Variants in ANKRD44 observed in about 807,000 individuals in gnomAD.
The protein encoded by ANKRD44 is serine/threonine-protein phosphatase 6 regulatory ankyrin repeat subunit B.
In ANKRD44, 35 loss-of-function variants were observed where a neutral mutation model predicts 116.0. The ratio of observed to expected loss-of-function variants is 0.30; its 90% CI spans 0.23 to 0.40. The LOEUF (loss-of-function observed/expected upper bound fraction) is 0.40, where lower values mean the gene tolerates loss of function less well. ANKRD44 is among the 10% of genes least tolerant of loss of function. ANKRD44 has a pLI of 1.00. For missense variants in ANKRD44, 1,014 were observed against 1,242.6 expected, an observed-to-expected ratio of 0.82 and a Z score of 2.77; for synonymous variants, 435 against 461.8, an observed-to-expected ratio of 0.94 and a Z score of 0.74.
chr2:197,178,185 C>A (rs898920118), intron 2 of ANKRD44, among the ~76,000 whole-genome samples: 1 of 152,160 alleles, frequency 6.6e-6, no homozygotes, highest in Non-Finnish European at 1.5e-5. Flanking sequence ...AATGACACCA[C>A]GCTGAGCACA....
At chr2:197,294,728 A>G (rs1332238146) in intron 1 of ANKRD44, among the ~76,000 whole-genome samples, 1 of 152,212 alleles carries the variant, frequency 6.6e-6, no homozygotes, top group Non-Finnish European at 1.5e-5. Flanking sequence ...TATAATTTCC[A>G]TTTGTAATAC....
chr2:197,231,199 G>A (rs763379642), intron 1 of ANKRD44, among the ~76,000 whole-genome samples: 3 of 152,140 alleles, frequency 2.0e-5, no homozygotes, highest in Non-Finnish European at 4.4e-5. Context: ...GAAGCAGGAG[G>A]ATCGCTTAAG....
At chr2:197,049,262 T>C (rs1319384527) in intron 16 of ANKRD44, among the ~76,000 whole-genome samples, 1 of 152,242 alleles carries the variant, frequency 6.6e-6, no homozygotes, top group Admixed American at 6.5e-5. Flanking sequence ...TTCATGCCTA[T>C]GTCCTGAATG....
intron 1 of ANKRD44, among the ~76,000 whole-genome samples, chr2:197,277,976 G>A (rs1385779300): frequency 6.6e-6 from 1 of 152,170 alleles, no homozygotes; most frequent in Non-Finnish European, 1.5e-5. Flanking sequence ...AGGAGGCTCA[G>A]AATTAGGAGC....
intron 1 of ANKRD44, among the ~76,000 whole-genome samples, chr2:197,249,280 G>T (rs1001955706): frequency 6.6e-6 from 1 of 152,000 alleles, no homozygotes; most frequent in African/African-American, 2.4e-5. Flanking sequence ...CTCAAAAAAT[G>T]TACAGAAATA....
At chr2:197,192,847 C>T (rs185971339) in intron 1 of ANKRD44, among the ~76,000 whole-genome samples, 1 of 152,222 alleles carries the variant, frequency 6.6e-6, no homozygotes, top group East Asian at 1.9e-4. Context: ...CTCTTAAGTA[C>T]CATAAGGACA....
intron 16 of ANKRD44, among the ~76,000 whole-genome samples, chr2:197,031,780 T>G (rs1402586303): frequency 6.6e-6 from 1 of 152,214 alleles, no homozygotes; most frequent in Non-Finnish European, 1.5e-5. Flanking sequence ...TTGTGTTTGT[T>G]TCTTATTAGT....
rs769926617 is a variant in ANKRD44 at position 196,998,402 on chromosome 2, C to A, written c.2683G>T (p.Ala895Ser). The A allele has an allele frequency of 4.3e-6, 7 of 1,613,572 alleles. No homozygotes were observed. The change falls in exon 25 of 28, where the codon GCC (alanine) becomes TCC (serine). Residue 895 changes from alanine (A) to serine (S), a missense_variant. Coordinates refer to ENST00000282272, the MANE Select transcript of ANKRD44 (RefSeq NM_001195144.2). The stretch of plus-strand genomic sequence containing the variant: ...TCCTTTACAGTCAGATCAGCCTGGG[C>A]ACTGTTCACCAAAATATCTGTAGAA... The part of the protein sequence containing the change: ...AGAVDILVNS[A>S]QADLTVKDKD...
At chr2:197,241,677 G>A (rs536541598) in intron 1 of ANKRD44, among the ~76,000 whole-genome samples, 3 of 152,126 alleles carry the variant, frequency 2.0e-5, no homozygotes, top group South Asian at 4.2e-4. Flanking sequence ...AGTTTCAGAA[G>A]GTAAGATTTT....
chr2:196,988,823 C>T lies in ANKRD44; in HGVS notation c.*768G>A. 1.0e-6 allele frequency: 1 copy of T among 985,422 alleles called. No homozygotes were observed. The highest frequency in any genetic ancestry group is 1.2e-6 in the Non-Finnish European group (1 of 829,924). 61.0% of individuals were successfully genotyped at this position (985,422 alleles called of 1,614,324 possible). ...GGCACATGTGCCCACACACTGCCAT[C>T]ATTTCTCATCAGGTTACTGAGACTA... On this transcript the variant is annotated 3_prime_UTR_variant, in exon 28 of 28. Transcript: ENST00000282272.
chr2:197,288,905 T>A (rs993366991), intron 1 of ANKRD44, among the ~76,000 whole-genome samples: 6 of 151,966 alleles, frequency 3.9e-5, no homozygotes. Context: ...GAAGGATAAG[T>A]GGGTGGGAGG....
chr2:197,209,975 AC>A (rs891906390), intron 1 of ANKRD44, among the ~76,000 whole-genome samples: 1 of 152,174 alleles, frequency 6.6e-6, no homozygotes, highest in Non-Finnish European at 1.5e-5. Context: ...AAAGCCAGGA[AC>A]CGCACAGAGA....
Position 197,122,029 on chromosome 2 carries a change from C to T in ANKRD44, c.694-485G>A, listed in dbSNP as rs140785839. On this transcript the variant is annotated intron_variant, in intron 7 of 27. Coordinates refer to ENST00000282272, the MANE Select transcript of ANKRD44 (RefSeq NM_001195144.2). ...CCACTCTCTGTTTTGCTCTGGAGTC[C>T]GACACCTCACCAGGTTGCATTTTAG... Among the ~76,000 whole-genome samples the T allele has an allele frequency of 3.9e-3, 599 of 152,142 alleles. 1 individual carries two copies. Among genetic ancestry groups the T allele is most frequent in the Non-Finnish European group, 6.3e-3 (427 of 68,008 alleles).
intron 6 of ANKRD44, among the ~76,000 whole-genome samples, chr2:197,123,531 T>A (rs530097836): frequency 2.6e-5 from 4 of 152,328 alleles, no homozygotes; most frequent in South Asian, 2.1e-4. Context: ...CTCAGGAGGC[T>A]GAGGCATGAG....
intron 21 of ANKRD44, among the ~76,000 whole-genome samples, chr2:196,979,163 G>A (rs1038238158): frequency 5.9e-5 from 9 of 151,838 alleles, no homozygotes; most frequent in Non-Finnish European, 1.2e-4. Context: ...TTGGGAGGCC[G>A]AGGCGGGCGG....
rs149991640 is a variant in ANKRD44 at position 197,159,542 on chromosome 2, T to C, written c.112-12437A>G. 3.0e-4 allele frequency among the ~76,000 whole-genome samples: 46 copies of C among 152,352 alleles called. No individual in the cohort carries two copies. The East Asian group carries it at 8.3e-3, about 27-fold the overall frequency. ...AAAGCTTTTCTTAAGTAATCACAAA[T>C]AGTAAAGCACTGGACATTATTTCCT... On this transcript the variant is annotated intron_variant, in intron 2 of 27. Coordinates refer to ENST00000282272, the MANE Select transcript of ANKRD44 (RefSeq NM_001195144.2).
intron 16 of ANKRD44, among the ~76,000 whole-genome samples, chr2:197,026,439 A>C (rs1314430411): frequency 6.6e-6 from 1 of 152,150 alleles, no homozygotes; most frequent in African/African-American, 2.4e-5. Flanking sequence ...CTCCAGGGAG[A>C]TGAGGGAGCC....
chr2:197,056,621 T>C (rs914652807), intron 16 of ANKRD44, among the ~76,000 whole-genome samples: 1 of 152,154 alleles, frequency 6.6e-6, no homozygotes, highest in Non-Finnish European at 1.5e-5. Flanking sequence ...CTCAATAATG[T>C]TTTATAGTTT....
chr2:197,118,377 C>G lies in ANKRD44; in HGVS notation c.906+2955G>C, dbSNP rs1352918092. On this transcript the variant is annotated intron_variant, in intron 8 of 27. Coordinates refer to ENST00000282272, the MANE Select transcript of ANKRD44 (RefSeq NM_001195144.2). ...CTGAGGTGGGTGGATTGCTTGAGCT[C>G]AGGAGTTAAGAGACCAGCCTGGCCA... Among the ~76,000 whole-genome samples the G allele has an allele frequency of 2.6e-5, 4 of 151,372 alleles. No individual in the cohort carries two copies. In the East Asian group the frequency reaches 7.8e-4, roughly 30 times the overall value.
Sources: allele counts gnomAD v4.1 joint callset (sites outside exome capture counted in the v4.1 genomes callset), GRCh38; gene constraint gnomAD v4.1.1; transcripts MANE v1.5; gene names NCBI Gene and HGNC (gene_info 2026-07-23, HGNC 2026-07-21).